Variants in PRRC2C observed in about 807,000 individuals in gnomAD.
PRRC2C encodes the protein proline rich coiled-coil 2C.
A neutral mutation model predicts 317.2 loss-of-function variants in PRRC2C; 72 were observed. The ratio of observed to expected loss-of-function variants is 0.23; its 90% CI spans 0.19 to 0.28. The LOEUF is 0.28. Among genes scored for constraint, PRRC2C ranks in the 10% least tolerant of loss-of-function variants. PRRC2C has a pLI of 1.00. For synonymous variants in PRRC2C, 1,296 were observed against 1,205.9 expected (o/e 1.07, Z -1.55); for missense variants, 3,074 against 3,459.7 (o/e 0.89, Z 2.80).
intron 1 of PRRC2C, among the ~76,000 whole-genome samples, chr1:171,494,364 A>T (rs1360625444): frequency 6.6e-6 from 1 of 152,304 alleles, no homozygotes; most frequent in Admixed American, 6.5e-5. Context: ...TTTGTTTTTT[A>T]AAAAATGACC....
At chr1:171,535,631 A>G (rs912800720) in intron 13 of PRRC2C, 34 bp downstream of exon 13, 1 of 1,601,278 alleles carries the variant, frequency 6.2e-7, no homozygotes, top group Non-Finnish European at 8.5e-7. Context: ...TGTATGTGTG[A>G]TTGAAGTGGT....
Position 171,557,814 on chromosome 1 carries a change from C to G in PRRC2C, c.5702C>G (p.Thr1901Ser). The G allele has an allele frequency of 1.9e-6, 3 of 1,550,012 alleles. No homozygotes were observed. The highest frequency in any genetic ancestry group is 2.6e-6 in the Non-Finnish European group (3 of 1,145,964). ...TAPTIPASAP[T>S]ASVPLAPASA... ...CCAACTATCCCAGCCTCAGCCCCAA[C>G]TGCCTCAGTCCCACTTGCCCCTGCC... Residue 1901 changes from threonine to serine, a missense_variant, in exon 19 of 35, where the codon ACT (threonine) becomes AGT (serine). By Grantham distance (58) the Thr-to-Ser change is moderately conservative. This residue lies in a region of PRRC2C where 640 missense variants were observed against 676.1 expected (regional missense o/e 0.95). Coordinates refer to ENST00000647382, the MANE Select transcript of PRRC2C (RefSeq NM_001387844.1).
intron 1 of PRRC2C, among the ~76,000 whole-genome samples, chr1:171,491,486 A>G (rs1185470839): frequency 6.6e-6 from 1 of 152,180 alleles, no homozygotes; most frequent in Non-Finnish European, 1.5e-5. Context: ...CCCCAGAAGG[A>G]TGTATTTTTC....
chr1:171,528,226 C>G (rs940303482), intron 11 of PRRC2C, among the ~76,000 whole-genome samples: 2 of 152,032 alleles, frequency 1.3e-5, no homozygotes, highest in Admixed American at 6.6e-5. Flanking sequence ...TTACATTACT[C>G]CATCCCACTT....
intron 28 of PRRC2C, among the ~76,000 whole-genome samples, chr1:171,582,867 AAAAC>A (rs937952072): frequency 4.0e-5 from 6 of 151,634 alleles, no homozygotes; most frequent in African/African-American, 7.3e-5. Flanking sequence ...TAAAAAAAAA[AAAAC>A]AAATTTTTCT....
chr1:171,494,179 T>C (rs1328482133), intron 1 of PRRC2C, among the ~76,000 whole-genome samples: 3 of 152,232 alleles, frequency 2.0e-5, no homozygotes, highest in Non-Finnish European at 4.4e-5. Flanking sequence ...AGAACAGCTG[T>C]ACTTTTTAAG....
rs145302511 is a variant in PRRC2C at position 171,550,565 on chromosome 1, C to T, written c.5127+325C>T. Among the ~76,000 whole-genome samples the T allele has an allele frequency of 2.2e-3, 329 of 151,228 alleles. 1 individual carries two copies. Among genetic ancestry groups the T allele is most frequent in the African/African-American group, 7.7e-3 (318 of 41,116 alleles). On this transcript the variant is annotated intron_variant, in intron 18 of 34. Coordinates refer to ENST00000647382, the MANE Select transcript of PRRC2C (RefSeq NM_001387844.1). ...CATGTGCTATGTTGGTGTGCTGCAC[C>T]CATTAACTCATCGTTTACACTAGGT... is the stretch of plus-strand genomic sequence containing the variant.
chr1:171,513,931 A>G (rs913082961), intron 3 of PRRC2C, among the ~76,000 whole-genome samples: 8 of 152,252 alleles, frequency 5.3e-5, no homozygotes, highest in African/African-American at 1.9e-4. Flanking sequence ...TGAGTGTCCC[A>G]GAAACACATT....
chr1:171,556,187 C>T (rs994346751), intron 18 of PRRC2C, among the ~76,000 whole-genome samples: 37 of 152,344 alleles, frequency 2.4e-4, no homozygotes, highest in South Asian at 2.1e-4. Flanking sequence ...CGGACTGCTG[C>T]GCTAGCAGTG....
At chr1:171,577,817 GC>G (rs1481456604) in intron 26 of PRRC2C, among the ~76,000 whole-genome samples, 180 bp downstream of exon 26, 1 of 110,842 alleles carries the variant, frequency 9.0e-6, no homozygotes, top group Non-Finnish European at 1.7e-5. Flanking sequence ...TGGCTCTGTT[GC>G]CCAGGCTGGA....
chr1:171,514,397 A>T, intron 3 of PRRC2C, 139 bp from the exon 4 acceptor site: 1 of 661,254 alleles, frequency 1.5e-6, no homozygotes, highest in Non-Finnish European at 2.6e-6. Flanking sequence ...AATGTTGCAG[A>T]GAGAAAACAT....
At chr1:171,548,004 C>T (rs1475056021) in intron 17 of PRRC2C, among the ~76,000 whole-genome samples, 1 of 151,956 alleles carries the variant, frequency 6.6e-6, no homozygotes, top group Non-Finnish European at 1.5e-5. Context: ...CTCGCCCTGT[C>T]ACCCAAGCTG....
chr1:171,500,952 G>C (rs1668994745), intron 1 of PRRC2C, among the ~76,000 whole-genome samples: 1 of 152,220 alleles, frequency 6.6e-6, no homozygotes, highest in African/African-American at 2.4e-5. Flanking sequence ...AGGGTAGAGT[G>C]CAGTGGCGCC....
At chr1:171,495,474 T>C (rs1223069858) in intron 1 of PRRC2C, among the ~76,000 whole-genome samples, 3 of 152,214 alleles carry the variant, frequency 2.0e-5, no homozygotes, top group African/African-American at 7.2e-5. Flanking sequence ...AAGGACAGGG[T>C]CCAACATATC....
At chr1:171,556,307 G>A (rs953966989) in intron 18 of PRRC2C, among the ~76,000 whole-genome samples, 6 of 152,150 alleles carry the variant, frequency 3.9e-5, no homozygotes, top group Non-Finnish European at 5.9e-5. Context: ...CGGGAGTCCC[G>A]ATTTTCCAGG....
intron 15 of PRRC2C, 88 bp from the exon 16 acceptor site, chr1:171,539,883 T>C (rs564254133): frequency 2.7e-6 from 3 of 1,124,790 alleles, no homozygotes; most frequent in East Asian, 4.7e-5. Flanking sequence ...AGTCATTGCT[T>C]TCTGTTTTAG....
At chr1:171,515,195 C>A (rs955439228) in intron 4 of PRRC2C, among the ~76,000 whole-genome samples, 13 of 152,112 alleles carry the variant, frequency 8.5e-5, no homozygotes, top group African/African-American at 2.9e-4. Context: ...CTCAAGCTAA[C>A]AAAACTAGCT....
rs959133733 is a variant in PRRC2C, at chr1:171,579,752, T to G, written c.7273-76T>G. 9 of 1,439,116 alleles carry G rather than the reference T, an allele frequency of 6.3e-6. No homozygotes were observed. In the African/African-American group the frequency reaches 1.0e-4, roughly 16 times the overall value. The allele number at this position is 1,439,116 out of a possible 1,614,324, so 89.1% of individuals were successfully genotyped here. ...ATTTTACTCTTTTCATGTCTCAAAT[T>G]TTTATATTCCAGTGTTAATGATTTA... On this transcript the variant is annotated intron_variant, in intron 27 of 34. Coordinates refer to ENST00000647382, the MANE Select transcript of PRRC2C (RefSeq NM_001387844.1).
intron 1 of PRRC2C, among the ~76,000 whole-genome samples, chr1:171,498,085 C>T (rs913020834): frequency 6.6e-6 from 1 of 151,224 alleles, no homozygotes; most frequent in African/African-American, 2.4e-5. Flanking sequence ...CCTCGGCTTC[C>T]GAAATTCCTG....
Sources: gnomAD v4.1 joint callset for allele counts (sites outside exome capture counted in the v4.1 genomes callset) on GRCh38, gnomAD v4.1.1 for gene constraint, gnomAD v4.1.1 regional missense constraint, MANE v1.5 for transcripts, NCBI Gene and HGNC (gene_info 2026-07-23, HGNC 2026-07-21) for gene names.